The following AP3B1 variants were observed in gnomAD, a reference collection of about 807,000 sequenced individuals.
AP3B1 encodes adaptor related protein complex 3 subunit beta 1, also known as AP-3 complex subunit beta-1.
In AP3B1, 61 loss-of-function variants were observed where a neutral mutation model predicts 132.5. The observed-to-expected ratio is 0.46, with a 90% confidence interval of 0.37 to 0.57. The LOEUF is 0.57. Among genes scored for constraint, AP3B1 ranks in the 20% least tolerant of loss-of-function variants. AP3B1 has a pLI of 0.00. For synonymous variants in AP3B1, 388 were observed against 438.3 expected, an observed-to-expected ratio of 0.89 and a Z score of 1.43; for missense variants, 1,120 against 1,289.4, an observed-to-expected ratio of 0.87 and a Z score of 2.01.
At chr5:78,163,579 A>ATG (rs1231383841) in intron 12 of AP3B1, among the ~76,000 whole-genome samples, 20 of 147,334 alleles carry the variant, frequency 1.4e-4, no homozygotes, top group East Asian at 4.0e-4. Context: ...TAAAGGGTAT[A>ATG]TGTGTGTGTG....
At chr5:78,292,826 GTTTTTTTTGT>G (rs1209602465) in intron 1 of AP3B1, among the ~76,000 whole-genome samples, 2 of 151,074 alleles carry the variant, frequency 1.3e-5, no homozygotes, top group Non-Finnish European at 3.0e-5. Flanking sequence ...AAAGCCGTAA[GTTTTTTTTGT>G]TTTTTTTTTC....
intron 22 of AP3B1, among the ~76,000 whole-genome samples, chr5:78,074,647 T>A (rs145639674): frequency 6.3e-4 from 95 of 151,916 alleles, no homozygotes; most frequent in Middle Eastern, 3.4e-3. Flanking sequence ...AAAAAAAAAA[T>A]TTTTTTAAAG....
intron 3 of AP3B1, among the ~76,000 whole-genome samples, chr5:78,231,667 A>G (rs1746658713): frequency 6.6e-6 from 1 of 152,232 alleles, no homozygotes; most frequent in African/African-American, 2.4e-5. Context: ...CGTAATCACC[A>G]CCAGTTGTTA....
At position 78,165,632 on chromosome 5, in the gene AP3B1, G is replaced by T; in HGVS notation, c.1208C>A (p.Ser403Ter). The change falls in exon 12 of 27, where the codon TCA (serine) becomes TAA (stop). Residue 403 changes from serine to a stop codon, truncating the protein, a stop_gained. Coordinates refer to ENST00000255194, the MANE Select transcript of AP3B1 (RefSeq NM_003664.5). LOFTEE classifies it high-confidence loss of function. ...LTNLANEANI[S>*]TLLREFQTYV... ...AACCTGAAATTCTCGAAGAAGAGTT[G>T]ATATGTTGGCTTCATTTGCCAAGTT... is the stretch of plus-strand genomic sequence containing the variant. 1 of 1,609,528 alleles carries T rather than the reference G, an allele frequency of 6.2e-7. No homozygotes were observed. Among genetic ancestry groups the T allele is most frequent in the South Asian group, 1.1e-5 (1 of 90,614 alleles).
At chr5:78,039,939 G>C (rs1316448735) in intron 22 of AP3B1, among the ~76,000 whole-genome samples, 1 of 143,178 alleles carries the variant, frequency 7.0e-6, no homozygotes, top group Non-Finnish European at 1.5e-5. Context: ...CTCTATATTT[G>C]GCCATCTTGC....
rs193016715 is a variant in AP3B1 at position 78,255,375 on chromosome 5, T to C, written c.204+12145A>G. On this transcript the variant is annotated intron_variant, in intron 2 of 26. Coordinates refer to ENST00000255194, the MANE Select transcript of AP3B1 (RefSeq NM_003664.5). The stretch of plus-strand genomic sequence containing the variant: ...AACACACTGTACCCATAAAAACATA[T>C]ATCAGCTGAAAACAAAGGTATGGAA... 4.2e-3 allele frequency among the ~76,000 whole-genome samples: 641 copies of C among 151,794 alleles called. 2 individuals are homozygous for C. Among genetic ancestry groups the C allele is most frequent in the Non-Finnish European group, 6.2e-3 (419 of 67,862 alleles).
intron 7 of AP3B1, among the ~76,000 whole-genome samples, chr5:78,193,770 A>ATATAGATATATATATATTTTTTT: frequency 1.5e-5 from 1 of 67,218 alleles, no homozygotes; most frequent in East Asian, 3.3e-4. Flanking sequence ...ATATATATAT[A>ATATAGATATATATATATTTTTTT]TTTTTTTTTT....
At chr5:78,285,761 T>C (rs1749251887) in intron 1 of AP3B1, among the ~76,000 whole-genome samples, 1 of 152,218 alleles carries the variant, frequency 6.6e-6, no homozygotes, top group Admixed American at 6.5e-5. Context: ...GTATCCACCC[T>C]TGATATCTTT....
At chr5:78,097,478 C>A (rs993218900) in intron 21 of AP3B1, among the ~76,000 whole-genome samples, 2 of 130,528 alleles carry the variant, frequency 1.5e-5, no homozygotes, top group Non-Finnish European at 3.3e-5. Flanking sequence ...AGCCCCTCTG[C>A]CCGGCCAGCC....
In AP3B1 at chr5:78,171,615, T is replaced by G. The variant is rs138573727; in HGVS notation, c.1167+4011A>C. Among the ~76,000 whole-genome samples, 544 of 152,354 alleles carry G rather than the reference T, an allele frequency of 3.6e-3. 3 individuals carry two copies. Among genetic ancestry groups the G allele is most frequent in the Middle Eastern group, 0.017 (5 of 294 alleles). On this transcript the variant is annotated intron_variant, in intron 11 of 26. Coordinates refer to ENST00000255194, the MANE Select transcript of AP3B1 (RefSeq NM_003664.5). ...TCCTGAGACACTTTGCTGAAGTTGT[T>G]TATCAACTTAAGGAGATTTTGGGCT...
chr5:78,085,747 C>T (rs1750217579), intron 22 of AP3B1, among the ~76,000 whole-genome samples: 1 of 152,162 alleles, frequency 6.6e-6, no homozygotes, highest in South Asian at 2.1e-4. Context: ...TCTAAAGTAA[C>T]TGTTAACCAT....
chr5:78,040,870 C>T (rs1185976223), intron 22 of AP3B1, among the ~76,000 whole-genome samples: 1 of 152,036 alleles, frequency 6.6e-6, no homozygotes, highest in African/African-American at 2.4e-5. Context: ...CACAAAAATC[C>T]AAGAGTTAAA....
rs1349506109 is a variant in AP3B1, at chr5:78,259,894, C to CG, written c.204+7625dup. On this transcript the variant is annotated intron_variant, in intron 2 of 26. Coordinates refer to ENST00000255194, the MANE Select transcript of AP3B1 (RefSeq NM_003664.5). The stretch of plus-strand genomic sequence containing the variant: ...CTGAGGCAGGAGGATCACTTGGACC[C>CG]GGGAGGCAGAGGTTGCAGTGAACTG... Among the ~76,000 whole-genome samples, 5 of 151,774 alleles carry CG rather than the reference C, an allele frequency of 3.3e-5. No homozygotes were observed. In the East Asian group the frequency reaches 9.7e-4, roughly 29 times the overall value.
At chr5:78,033,838 T>A (rs1244069525) in intron 24 of AP3B1, among the ~76,000 whole-genome samples, 1 of 151,774 alleles carries the variant, frequency 6.6e-6, no homozygotes, top group Non-Finnish European at 1.5e-5. Flanking sequence ...ACTGCATAAA[T>A]GTTCTCTTTT....
At chr5:78,118,460 G>A (rs1355357295) in intron 17 of AP3B1, among the ~76,000 whole-genome samples, 5 of 152,164 alleles carry the variant, frequency 3.3e-5, no homozygotes, top group East Asian at 1.9e-4. Flanking sequence ...CTGGAAAATC[G>A]GGTCACTCCC....
At chr5:78,046,925 C>T (rs1191912617) in intron 22 of AP3B1, among the ~76,000 whole-genome samples, 2 of 152,088 alleles carry the variant, frequency 1.3e-5, no homozygotes, top group Admixed American at 6.5e-5. Flanking sequence ...CATTCTTCAG[C>T]TCCCATTTAT....
intron 7 of AP3B1, among the ~76,000 whole-genome samples, chr5:78,192,817 G>T (rs1744899627): frequency 6.6e-6 from 1 of 152,136 alleles, no homozygotes; most frequent in Admixed American, 6.5e-5. Context: ...ATGTGAAGAA[G>T]ACAGTCATCT....
chr5:78,085,099 G>A (rs1029882415), intron 22 of AP3B1, among the ~76,000 whole-genome samples: 1 of 152,098 alleles, frequency 6.6e-6, no homozygotes, highest in Admixed American at 6.6e-5. Flanking sequence ...GAGATTACCT[G>A]GTCAAAAGGT....
intron 4 of AP3B1, 42 bp from the exon 5 acceptor site, chr5:78,227,574 C>A (rs929170784): frequency 5.6e-6 from 9 of 1,601,438 alleles, no homozygotes; most frequent in Non-Finnish European, 6.8e-6. Flanking sequence ...TTCAACTTTA[C>A]AATATTTTAA....
Sources: allele counts gnomAD v4.1 joint callset (sites outside exome capture counted in the v4.1 genomes callset), GRCh38; gene constraint gnomAD v4.1.1; transcripts MANE v1.5; gene names NCBI Gene and HGNC (gene_info 2026-07-23, HGNC 2026-07-21).